SIPA1L3: variants seen among roughly 807,000 people sequenced by gnomAD.
The protein encoded by SIPA1L3 is signal-induced proliferation-associated 1-like protein 3.
SIPA1L3 carries 59 observed loss-of-function variants against 150.1 expected under a neutral mutation model. That is an observed-to-expected ratio of 0.39 (90% CI 0.32 to 0.49). The LOEUF is 0.49. SIPA1L3 is among the 20% of genes least tolerant of loss of function. The probability of loss-of-function intolerance (pLI) is 0.86; values close to 1 mark genes in which losing one functional copy is unlikely to be tolerated. For synonymous variants in SIPA1L3, 1,070 were observed against 1,077.6 expected, an observed-to-expected ratio of 0.99 and a Z score of 0.14; for missense variants, 2,211 against 2,489.5, an observed-to-expected ratio of 0.89 and a Z score of 2.38.
chr19:38,156,549 G>A (rs1971953405), intron 13 of SIPA1L3, among the ~76,000 whole-genome samples: 1 of 148,614 alleles, frequency 6.7e-6, no homozygotes, highest in African/African-American at 2.5e-5. Context: ...ATGAGGCTGG[G>A]CGCAGTGGCT....
chr19:38,155,329 G>A (rs922858585), intron 13 of SIPA1L3, among the ~76,000 whole-genome samples: 15 of 152,116 alleles, frequency 9.9e-5, no homozygotes, highest in African/African-American at 3.6e-4. Flanking sequence ...TCCTACCTCA[G>A]CCTCCCAAAG....
At chr19:38,010,041 A>G (rs1228671855) in intron 1 of SIPA1L3, among the ~76,000 whole-genome samples, 1 of 151,956 alleles carries the variant, frequency 6.6e-6, no homozygotes, top group Non-Finnish European at 1.5e-5. Flanking sequence ...ATCTCTCTTA[A>G]TTATGTCTTA....
chr19:37,929,070 C>A (rs922352473), intron 1 of SIPA1L3, among the ~76,000 whole-genome samples: 1 of 152,200 alleles, frequency 6.6e-6, no homozygotes, highest in Admixed American at 6.5e-5. Context: ...AGTGAGGAAA[C>A]CTTTCATTGA....
At chr19:37,928,404 C>T (rs1424280983) in intron 1 of SIPA1L3, among the ~76,000 whole-genome samples, 1 of 152,094 alleles carries the variant, frequency 6.6e-6, no homozygotes, top group Non-Finnish European at 1.5e-5. Context: ...AACCCCATCT[C>T]TACTAAAAAT....
intron 1 of SIPA1L3, among the ~76,000 whole-genome samples, chr19:38,027,321 C>T (rs1235768599): frequency 2.0e-5 from 3 of 152,148 alleles, no homozygotes; most frequent in Non-Finnish European, 2.9e-5. Flanking sequence ...GAGTCTGCAA[C>T]TAATTCACCA....
chr19:38,167,850 CTA>C (rs781687145), intron 15 of SIPA1L3, among the ~76,000 whole-genome samples: 7 of 152,172 alleles, frequency 4.6e-5, no homozygotes, highest in Non-Finnish European at 8.8e-5. Flanking sequence ...CAGGCATGAG[CTA>C]CCACACCTGG....
At chr19:38,185,627 A>AG (rs1972660609) in intron 16 of SIPA1L3, 2 of 152,152 alleles carry the variant, frequency 1.3e-5, no homozygotes. Flanking sequence ...AAGGGCGGTG[A>AG]GGGAGAACCT....
At chr19:38,068,304 C>T (rs189831276) in intron 2 of SIPA1L3, among the ~76,000 whole-genome samples, 1 of 152,284 alleles carries the variant, frequency 6.6e-6, no homozygotes, top group East Asian at 1.9e-4. Context: ...GCTGGGATTA[C>T]AGGCGTGAGC....
intron 1 of SIPA1L3, among the ~76,000 whole-genome samples, chr19:37,947,950 T>C (rs2046727538): frequency 6.6e-6 from 1 of 152,210 alleles, no homozygotes; most frequent in Non-Finnish European, 1.5e-5. Context: ...TGTGGCAATG[T>C]CAGATGCCAG....
chr19:38,116,538 A>AAAAAAAG (rs755877233), intron 8 of SIPA1L3, among the ~76,000 whole-genome samples: 19 of 142,170 alleles, frequency 1.3e-4, no homozygotes, highest in Admixed American at 2.9e-4. Context: ...AAAAAAAAAA[A>AAAAAAAG]AAAGAAAGAA....
At chr19:37,920,875 A>G (rs2046452197) in intron 1 of SIPA1L3, among the ~76,000 whole-genome samples, 1 of 152,174 alleles carries the variant, frequency 6.6e-6, no homozygotes, top group East Asian at 1.9e-4. Context: ...GAGTCAGTTT[A>G]CTGAGGTCCC....
intron 1 of SIPA1L3, among the ~76,000 whole-genome samples, chr19:37,932,850 A>T (rs1389852431): frequency 1.3e-5 from 2 of 152,122 alleles, no homozygotes; most frequent in Non-Finnish European, 2.9e-5. Context: ...GTGAAGAAAG[A>T]GTGGGCCGGG....
Position 38,164,851 on chromosome 19 carries a change from T to G in SIPA1L3, c.4153T>G (p.Ser1385Ala). 1 of 1,591,468 alleles carries G rather than the reference T, an allele frequency of 6.3e-7. No homozygotes were observed. Among genetic ancestry groups the G allele is most frequent in the Non-Finnish European group, 8.6e-7 (1 of 1,165,752 alleles). ...CCGACCGAAGCTGTACTCCTCCGGC[T>G]CCAGCACCCCCACGGGACTGGCGGG... ...GYRPKLYSSGSSTPTGLAGGS... is the reference protein window; with the variant it reads ...GYRPKLYSSGASTPTGLAGGS... Residue 1385 changes from serine (S) to alanine (A), a missense_variant, in exon 15 of 22, where the codon TCC becomes GCC. By Grantham distance (99) the Ser-to-Ala change is moderately conservative. Coordinates refer to ENST00000222345, the MANE Select transcript of SIPA1L3 (RefSeq NM_015073.3). This position sits in a 1 kb window ranked among gnomAD's most constrained non-coding sequence, Gnocchi z 4.1.
At chr19:38,033,876 G>A (rs1263640792) in intron 2 of SIPA1L3, among the ~76,000 whole-genome samples, 1 of 152,138 alleles carries the variant, frequency 6.6e-6, no homozygotes, top group Non-Finnish European at 1.5e-5. Context: ...CCATGGGTGT[G>A]CGCCTTGAGC....
intron 2 of SIPA1L3, among the ~76,000 whole-genome samples, chr19:38,059,311 A>ATTTTTTTTTTTTT (rs35717284): frequency 8.8e-6 from 1 of 113,930 alleles, no homozygotes; most frequent in African/African-American, 3.4e-5. Flanking sequence ...AACAGCTGAG[A>ATTTTTTTTTTTTT]TTTTTTTTTT....
chr19:37,945,448 G>T (rs577394462), intron 1 of SIPA1L3, among the ~76,000 whole-genome samples: 4 of 152,172 alleles, frequency 2.6e-5, no homozygotes, highest in African/African-American at 9.6e-5. Flanking sequence ...ATTTTGCCTA[G>T]ACTGGTCTCG....
chr19:38,178,234 G>A (rs947846160), intron 15 of SIPA1L3, among the ~76,000 whole-genome samples: 3 of 151,674 alleles, frequency 2.0e-5, no homozygotes, highest in Non-Finnish European at 2.9e-5. Context: ...TGGGCATGGT[G>A]CCTCACAACT....
chr19:38,071,201 TTATCTATCTATCTATC>T (rs60942211), intron 2 of SIPA1L3, among the ~76,000 whole-genome samples: 2,088 of 142,248 alleles, frequency 0.015, 23 homozygotes, highest in African/African-American at 0.02. Context: ...TTATGTTGTT[TTATCTATCTATCTATC>T]TATCTATCTA....
At position 37,940,617 on chromosome 19, in the gene SIPA1L3, G is replaced by A. The variant is rs1009834835; in HGVS notation, c.-379+33259G>A. Among the ~76,000 whole-genome samples the A allele has an allele frequency of 3.3e-5, 5 of 152,096 alleles. No homozygotes were observed. The East Asian group carries it at 9.6e-4, about 29-fold the overall frequency. On this transcript the variant is annotated intron_variant, in intron 1 of 21. Coordinates refer to ENST00000222345, the MANE Select transcript of SIPA1L3 (RefSeq NM_015073.3). ...TGGAGTTGGTTCATCTGCGTGTGAA[G>A]CCTCATTTAATCTATGGCTTCTCCC...
Sources: allele counts gnomAD v4.1 joint callset (sites outside exome capture counted in the v4.1 genomes callset), GRCh38; gene constraint gnomAD v4.1.1; non-coding constraint Gnocchi (gnomAD v3.1); transcripts MANE v1.5; gene names NCBI Gene and HGNC (gene_info 2026-07-23, HGNC 2026-07-21).